Variants in PHIP observed in about 807,000 individuals in gnomAD.
The protein encoded by PHIP is PH-interacting protein.
A neutral mutation model predicts 236.8 loss-of-function variants in PHIP; 54 were observed. The ratio of observed to expected loss-of-function variants is 0.23; its 90% CI spans 0.18 to 0.29. PHIP has a LOEUF of 0.29. PHIP is among the 10% of genes least tolerant of loss of function. PHIP has a pLI of 1.00. For synonymous variants in PHIP, 756 were observed against 718.9 expected, an observed-to-expected ratio of 1.05 and a Z score of -0.83; for missense variants, 1,370 against 2,190.8, an observed-to-expected ratio of 0.63 and a Z score of 7.48.
intron 23 of PHIP, among the ~76,000 whole-genome samples, chr6:78,981,927 A>T (rs1036255964): frequency 6.6e-6 from 1 of 152,020 alleles, no homozygotes; most frequent in Non-Finnish European, 1.5e-5. Flanking sequence ...GTGGAATCCA[A>T]ATTAAAGTAA....
chr6:79,017,274 T>C (rs1290400124), intron 12 of PHIP, 72 bp downstream of exon 12: 9 of 928,940 alleles, frequency 9.7e-6, no homozygotes, highest in Non-Finnish European at 1.5e-5. Context: ...CAGCTTCAAA[T>C]AAAATCTGAT....
intron 15 of PHIP, among the ~76,000 whole-genome samples, chr6:79,014,369 T>C (rs1390991246): frequency 6.6e-6 from 1 of 151,748 alleles, no homozygotes; most frequent in Admixed American, 6.6e-5. Flanking sequence ...AATTTAAACA[T>C]GCTGAAATAG....
intron 22 of PHIP, 73 bp from the exon 23 acceptor site, chr6:78,983,190 G>T: frequency 1.3e-6 from 1 of 755,512 alleles, no homozygotes. Context: ...AAAACGAAAA[G>T]AAAGATTATA....
intron 27 of PHIP, among the ~76,000 whole-genome samples, chr6:78,967,686 A>T (rs901397506): frequency 6.6e-6 from 1 of 152,196 alleles, no homozygotes; most frequent in African/African-American, 2.4e-5. Context: ...TCCAAATGAG[A>T]AAATTATGAT....
At chr6:79,013,074 T>G (rs1770668682) in intron 15 of PHIP, among the ~76,000 whole-genome samples, 1 of 151,744 alleles carries the variant, frequency 6.6e-6, no homozygotes, top group Non-Finnish European at 1.5e-5. Flanking sequence ...ATGCTCCAAG[T>G]GCCCGCATAA....
At chr6:78,988,055 T>C (rs1456650869) in intron 21 of PHIP, among the ~76,000 whole-genome samples, 154 bp downstream of exon 21, 1 of 152,278 alleles carries the variant, frequency 6.6e-6, no homozygotes, top group African/African-American at 2.4e-5. Context: ...TGCCTAGAAA[T>C]AGATTTTTAG....
Position 79,047,057 on chromosome 6 carries a change from T to C in PHIP, c.440-4054A>G, listed in dbSNP as rs115447238. Among the ~76,000 whole-genome samples, 659 of 152,224 alleles carry C rather than the reference T, an allele frequency of 4.3e-3. 2 individuals carry two copies. Among genetic ancestry groups the C allele is most frequent in the African/African-American group, 0.014 (598 of 41,532 alleles). On this transcript the variant is annotated intron_variant, in intron 6 of 39. Coordinates refer to ENST00000275034, the MANE Select transcript of PHIP (RefSeq NM_017934.7). ...TAATTTTCTGAATATAGAGGATAAA[T>C]GAAATAAAAATTCCAGAAATCACTG...
rs1773247464 is a variant in PHIP at position 78,935,581 on chromosome 6, A to G, written c.*5112T>C. ...CACAGTAACTTACGGTAAGAAATCAATAAAATTGTTTTATTAAATGTACAC... is the reference window on the plus strand; with the variant it reads ...CACAGTAACTTACGGTAAGAAATCAGTAAAATTGTTTTATTAAATGTACAC... On this transcript the variant is annotated 3_prime_UTR_variant, in exon 40 of 40. Coordinates refer to ENST00000275034, the MANE Select transcript of PHIP (RefSeq NM_017934.7). 1.0e-6 allele frequency: 1 copy of G among 973,260 alleles called. No individual in the cohort carries two copies. Among genetic ancestry groups the G allele is most frequent in the Non-Finnish European group, 1.2e-6 (1 of 818,818 alleles). 60.3% of individuals were successfully genotyped at this position (973,260 alleles called of 1,614,324 possible). A position where few individuals can be genotyped will look rare whatever the true frequency, so the allele number is the denominator to read the frequency against.
intron 22 of PHIP, among the ~76,000 whole-genome samples, chr6:78,983,505 G>A (rs1768674058): frequency 6.6e-6 from 1 of 152,108 alleles, no homozygotes; most frequent in Non-Finnish European, 1.5e-5. Context: ...ACCCTGGAGA[G>A]CACAGAAGGT....
chr6:79,060,406 TA>T, intron 6 of PHIP, 71 bp downstream of exon 6: 1 of 1,029,342 alleles, frequency 9.7e-7, no homozygotes. Flanking sequence ...CCACAGTAAC[TA>T]AAAAACCTTT....
chr6:79,059,851 T>C (rs140659032), intron 6 of PHIP, among the ~76,000 whole-genome samples: 139 of 151,906 alleles, frequency 9.2e-4, no homozygotes, highest in Non-Finnish European at 1.4e-3. Context: ...AACCTCTTTA[T>C]ACTATCTTCA....
rs768704355 is a variant in PHIP at position 78,940,653 on chromosome 6, C to T, written c.*40G>A. 2 of 1,241,968 alleles carry T rather than the reference C, an allele frequency of 1.6e-6. No homozygotes were observed. Among genetic ancestry groups the T allele is most frequent in the Non-Finnish European group, 2.2e-6 (2 of 923,538 alleles). The allele number at this position is 1,241,968 out of a possible 1,614,324, so 76.9% of individuals were successfully genotyped here. On this transcript the variant is annotated 3_prime_UTR_variant, in exon 40 of 40. Transcript: ENST00000275034. ...TAGTTCTACTTATTCCTTAACTGTACCTGCTTTATAGATTTTGAAGTAAAA... is the reference window on the plus strand; with the variant it reads ...TAGTTCTACTTATTCCTTAACTGTATCTGCTTTATAGATTTTGAAGTAAAA...
chr6:78,963,015 AT>A, intron 30 of PHIP, 81 bp downstream of exon 30: 1 of 1,347,942 alleles, frequency 7.4e-7, no homozygotes, highest in Non-Finnish European at 1.0e-6. Context: ...GTGAAAAAAA[AT>A]TTTTGTTGGA....
chr6:78,953,113 G>C (rs1432560382), intron 35 of PHIP, among the ~76,000 whole-genome samples: 5 of 151,562 alleles, frequency 3.3e-5, no homozygotes, highest in African/African-American at 9.7e-5. Flanking sequence ...TCTACACAAG[G>C]GTGGTGCAAA....
At chr6:78,946,587 C>A in intron 37 of PHIP, 124 bp downstream of exon 37, 2 of 1,415,858 alleles carry the variant, frequency 1.4e-6, no homozygotes, top group South Asian at 1.7e-5. Context: ...ATCATAGGAA[C>A]TTGCATGTCA....
intron 18 of PHIP, 112 bp downstream of exon 18, chr6:78,998,141 TA>T: frequency 1.4e-6 from 1 of 734,246 alleles, no homozygotes; most frequent in Non-Finnish European, 2.2e-6. Context: ...TTTGGCAACC[TA>T]ATATTTCATT....
intron 31 of PHIP, among the ~76,000 whole-genome samples, chr6:78,959,694 A>T (rs936441974): frequency 6.6e-6 from 1 of 152,158 alleles, no homozygotes; most frequent in Non-Finnish European, 1.5e-5. Context: ...GCAATTTCTA[A>T]TTCATGTAAG....
At chr6:79,016,320 CT>C (rs1204184154) in intron 13 of PHIP, among the ~76,000 whole-genome samples, 10 of 151,768 alleles carry the variant, frequency 6.6e-5, no homozygotes, top group Admixed American at 6.6e-4. Context: ...TCTTACAGTA[CT>C]TTTATCATCT....
chr6:78,981,183 G>C (rs549985109), intron 23 of PHIP, among the ~76,000 whole-genome samples: 3 of 151,990 alleles, frequency 2.0e-5, no homozygotes, highest in Non-Finnish European at 4.4e-5. Context: ...TTTAAATATG[G>C]AAAGTATAAA....
Sources: allele counts gnomAD v4.1 joint callset (sites outside exome capture counted in the v4.1 genomes callset), GRCh38; gene constraint gnomAD v4.1.1; transcripts MANE v1.5; gene names NCBI Gene and HGNC (gene_info 2026-07-23, HGNC 2026-07-21).